Variants in KDM4C observed in about 807,000 individuals in gnomAD.
The protein encoded by KDM4C is lysine demethylase 4C.
A neutral mutation model predicts 129.3 loss-of-function variants in KDM4C; 81 were observed. The observed-to-expected ratio is 0.63, with a 90% CI of 0.52 to 0.75. The LOEUF (loss-of-function observed/expected upper bound fraction) is 0.75, where lower values mean the gene tolerates loss of function less well. Among genes scored for constraint, KDM4C ranks in the 30% least tolerant of loss-of-function variants. The pLI, the probability that KDM4C is intolerant of heterozygous loss-of-function variation, is 0.00. For missense variants in KDM4C, 1,457 were observed against 1,304.0 expected (o/e 1.12, Z -1.81); for synonymous variants, 573 against 456.1 (o/e 1.26, Z -3.26).
At chr9:7,091,102 C>A (rs536216689) in intron 17 of KDM4C, among the ~76,000 whole-genome samples, 2 of 152,148 alleles carry the variant, frequency 1.3e-5, no homozygotes, top group Admixed American at 6.5e-5. Flanking sequence ...TATTTTTAAT[C>A]TGATCTTCTG....
intron 1 of KDM4C, 44 bp from the exon 2 acceptor site, chr9:6,792,928 C>T (rs1489397892): frequency 6.3e-7 from 1 of 1,592,262 alleles, no homozygotes; most frequent in South Asian, 1.1e-5. Flanking sequence ...TGACCTAAAG[C>T]ATATAATAAT....
chr9:7,145,343 A>G (rs548477740), intron 19 of KDM4C, among the ~76,000 whole-genome samples: 13 of 152,280 alleles, frequency 8.5e-5, no homozygotes, highest in Middle Eastern at 3.4e-3. Context: ...CCATACTTCT[A>G]ATGAGAGTTG....
chr9:6,880,446 G>A (rs1050452645), intron 6 of KDM4C, among the ~76,000 whole-genome samples: 2 of 152,000 alleles, frequency 1.3e-5, no homozygotes, highest in African/African-American at 4.8e-5. Flanking sequence ...CTGCATCTTG[G>A]GGTATGGTTT....
chr9:6,857,358 G>C (rs1200283677), intron 5 of KDM4C, among the ~76,000 whole-genome samples: 1 of 152,198 alleles, frequency 6.6e-6, no homozygotes, highest in African/African-American at 2.4e-5. Flanking sequence ...ATACCAAAAA[G>C]TATGGTATTA....
chr9:6,794,916 G>A (rs1827435976), intron 2 of KDM4C, among the ~76,000 whole-genome samples: 1 of 152,090 alleles, frequency 6.6e-6, no homozygotes, highest in African/African-American at 2.4e-5. Context: ...AACTTGAGAT[G>A]GTTTGTGTGT....
At chr9:6,936,399 TA>T (rs971625295) in intron 8 of KDM4C, among the ~76,000 whole-genome samples, 5 of 149,428 alleles carry the variant, frequency 3.3e-5, no homozygotes, top group Non-Finnish European at 7.4e-5. Flanking sequence ...TTTGATTTGC[TA>T]AAAAAAGAAT....
chr9:7,164,926 C>T lies in KDM4C; in HGVS notation c.2782-312C>T, dbSNP rs143673625. On this transcript the variant is annotated intron_variant, in intron 19 of 21. Transcript: ENST00000381309. ...GTTATAAATCATTAGCTGGTCTATT[C>T]CTCAGCTAAAGCGGTTTCTATGCAT... is the stretch of plus-strand genomic sequence containing the variant. 3.9e-5 allele frequency among the ~76,000 whole-genome samples: 6 copies of T among 152,244 alleles called. No homozygotes were observed. The East Asian group carries it at 1.2e-3, about 29-fold the overall frequency.
chr9:6,842,961 G>T (rs192281551), intron 4 of KDM4C, among the ~76,000 whole-genome samples: 2 of 152,040 alleles, frequency 1.3e-5, no homozygotes, highest in African/African-American at 4.8e-5. Context: ...ACAGAGTCTC[G>T]CTCTGTTGCC....
chr9:6,889,999 A>G (rs1428919637), intron 7 of KDM4C, among the ~76,000 whole-genome samples: 1 of 151,866 alleles, frequency 6.6e-6, no homozygotes, highest in Non-Finnish European at 1.5e-5. Context: ...GAAAGTGGCG[A>G]GATGAATTTA....
intron 9 of KDM4C, among the ~76,000 whole-genome samples, chr9:6,982,977 G>A (rs528047098): frequency 6.6e-6 from 1 of 152,314 alleles, no homozygotes; most frequent in South Asian, 2.1e-4. Flanking sequence ...ATTTAGGGAA[G>A]TCTGATGAAG....
At chr9:6,835,404 C>G in intron 4 of KDM4C, 1 of 1,142,736 alleles carries the variant, frequency 8.8e-7, no homozygotes, top group Non-Finnish European at 1.3e-6. Flanking sequence ...AGGAGATCAC[C>G]GCCCTGGCGC....
intron 1 of KDM4C, among the ~76,000 whole-genome samples, chr9:6,779,760 C>G (rs779497953): frequency 1.8e-4 from 28 of 152,300 alleles, no homozygotes; most frequent in African/African-American, 6.5e-4. Context: ...ATGACTGATG[C>G]TATTATCAAA....
intron 15 of KDM4C, among the ~76,000 whole-genome samples, chr9:7,016,133 T>TTC (rs36092112): frequency 3.4e-5 from 4 of 117,636 alleles, no homozygotes; most frequent in African/African-American, 1.6e-4. Context: ...ATTTATTTTC[T>TTC]TTTTTTTTTT....
At chr9:7,016,160 C>T (rs1236578115) in intron 15 of KDM4C, among the ~76,000 whole-genome samples, 2 of 150,492 alleles carry the variant, frequency 1.3e-5, no homozygotes, top group Non-Finnish European at 2.9e-5. Flanking sequence ...CGGAGTCTCT[C>T]TCTGTCGCCC....
intron 15 of KDM4C, among the ~76,000 whole-genome samples, chr9:7,033,368 G>T (rs986189327): frequency 6.6e-6 from 1 of 152,108 alleles, no homozygotes; most frequent in South Asian, 2.1e-4. Flanking sequence ...CACTGGACAG[G>T]ACTCTCCTCT....
intron 17 of KDM4C, among the ~76,000 whole-genome samples, chr9:7,051,958 C>G (rs1463651641): frequency 6.6e-6 from 1 of 152,134 alleles, no homozygotes; most frequent in Non-Finnish European, 1.5e-5. Context: ...CTTCACCAAA[C>G]AGGCATTGCC....
intron 4 of KDM4C, among the ~76,000 whole-genome samples, chr9:6,843,294 G>A (rs574376101): frequency 2.6e-5 from 4 of 152,328 alleles, no homozygotes; most frequent in South Asian, 4.1e-4. Context: ...CTGTGAATCC[G>A]TCGAGGTGCC....
At chr9:7,010,193 C>G (rs1822437056) in intron 12 of KDM4C, among the ~76,000 whole-genome samples, 1 of 152,170 alleles carries the variant, frequency 6.6e-6, no homozygotes, top group African/African-American at 2.4e-5. Flanking sequence ...CTGCGAGAAA[C>G]AGGTTACATT....
rs1830470442 is a variant in KDM4C at position 6,808,137 on chromosome 9, C to A, written c.320+2363C>A. 5.5e-5 allele frequency among the ~76,000 whole-genome samples: 3 copies of A among 54,426 alleles called. 1 individual carries two copies. In the South Asian group the frequency reaches 2.0e-3, roughly 37 times the overall value. 35.7% of individuals were successfully genotyped at this position (54,426 alleles called of 152,430 possible). On this transcript the variant is annotated intron_variant, in intron 3 of 21. Coordinates refer to ENST00000381309, the MANE Select transcript of KDM4C (RefSeq NM_015061.6). The stretch of plus-strand genomic sequence containing the variant: ...GGTGAGGGGCGCCTCTGCCCGGCCG[C>A]CCCTACTGGGAAGTGAGGAGCTCCT...
Sources: gnomAD v4.1 joint callset for allele counts (sites outside exome capture counted in the v4.1 genomes callset) on GRCh38, gnomAD v4.1.1 for gene constraint, MANE v1.5 for transcripts, NCBI Gene and HGNC (gene_info 2026-07-23, HGNC 2026-07-21) for gene names.